CACHD1: variants seen among roughly 807,000 people sequenced by gnomAD.
CACHD1 encodes VWFA and cache domain-containing protein 1.
CACHD1 carries 71 observed loss-of-function variants against 138.7 expected under a neutral mutation model. That is an observed-to-expected ratio of 0.51 (90% CI 0.42 to 0.62). The LOEUF (loss-of-function observed/expected upper bound fraction) is 0.62, where lower values mean the gene tolerates loss of function less well. Ranked by LOEUF, CACHD1 falls within the 20% of genes least tolerant of loss-of-function variation. The pLI, the probability that CACHD1 is intolerant of heterozygous loss-of-function variation, is 0.00. For missense variants in CACHD1, 1,389 were observed against 1,625.3 expected (o/e 0.85, Z 2.50); for synonymous variants, 578 against 591.5 (o/e 0.98, Z 0.33).
intron 1 of CACHD1, among the ~76,000 whole-genome samples, chr1:64,477,021 G>T (rs572782751): frequency 6.6e-6 from 1 of 152,314 alleles, no homozygotes; most frequent in Admixed American, 6.5e-5. Context: ...ACAGGGACAA[G>T]AATTTTGACT....
At chr1:64,523,621 T>C (rs910149893) in intron 1 of CACHD1, among the ~76,000 whole-genome samples, 3 of 152,180 alleles carry the variant, frequency 2.0e-5, no homozygotes, top group African/African-American at 7.2e-5. Context: ...CGTTTTTCCT[T>C]CATGTGTTAT....
chr1:64,653,853 T>A lies in CACHD1; in HGVS notation c.1636T>A (p.Phe546Ile). Residue 546 changes from phenylalanine to isoleucine, a missense_variant, in exon 11 of 27, where the codon TTT becomes ATT. Physicochemically the swap from Phe to Ile is conservative, Grantham distance 21. Coordinates refer to ENST00000651257, the MANE Select transcript of CACHD1 (RefSeq NM_020925.4). ...DIIHYENIPK[F>I]ELVRQNILSL... Reference sequence around the variant, plus strand: ...CATACATTATGAAAATATTCCAAAATTTGAATTAGTTCGGCAAAATATCCT... The same window carrying A: ...CATACATTATGAAAATATTCCAAAAATTGAATTAGTTCGGCAAAATATCCT... The A allele has an allele frequency of 6.2e-7, 1 of 1,613,394 alleles. No individual in the cohort carries two copies. Among genetic ancestry groups the A allele is most frequent in the South Asian group, 1.1e-5 (1 of 91,034 alleles).
At chr1:64,559,656 AC>A (rs1450788151) in intron 2 of CACHD1, among the ~76,000 whole-genome samples, 1 of 151,302 alleles carries the variant, frequency 6.6e-6, no homozygotes, top group Admixed American at 6.6e-5. Flanking sequence ...AATTAAAAAA[AC>A]AAAATAAACA....
At chr1:64,584,805 G>C (rs1279456147) in intron 3 of CACHD1, among the ~76,000 whole-genome samples, 1 of 152,132 alleles carries the variant, frequency 6.6e-6, no homozygotes, top group Non-Finnish European at 1.5e-5. Context: ...CGAGTAAGAA[G>C]GTGTCTACTC....
intron 1 of CACHD1, among the ~76,000 whole-genome samples, chr1:64,525,289 C>T (rs1419066737): frequency 6.6e-6 from 1 of 152,100 alleles, no homozygotes; most frequent in Non-Finnish European, 1.5e-5. Flanking sequence ...AAATGTGATC[C>T]TCCAAGGGTT....
intron 1 of CACHD1, among the ~76,000 whole-genome samples, chr1:64,486,369 TACACACACAC>T (rs3078376): frequency 3.1e-4 from 45 of 145,128 alleles, no homozygotes; most frequent in Middle Eastern, 3.6e-3. Flanking sequence ...CACACACACA[TACACACACAC>T]ACACACACAC....
intron 3 of CACHD1, among the ~76,000 whole-genome samples, chr1:64,597,085 G>A (rs1046600205): frequency 2.0e-5 from 3 of 151,948 alleles, no homozygotes; most frequent in African/African-American, 4.8e-5. Flanking sequence ...GTGTGTGAGT[G>A]GGGGGGTGCT....
At chr1:64,663,955 A>C in intron 14 of CACHD1, 118 bp downstream of exon 14, 1 of 1,322,318 alleles carries the variant, frequency 7.6e-7, no homozygotes, top group African/African-American at 1.5e-5. Flanking sequence ...TCTCAGCTGG[A>C]GAGCTGCAGA....
chr1:64,615,864 C>T (rs1012267393), intron 4 of CACHD1, among the ~76,000 whole-genome samples: 4 of 152,182 alleles, frequency 2.6e-5, no homozygotes, highest in Admixed American at 6.5e-5. Context: ...CCAAAACAAT[C>T]AGTCCGTTCC....
At chr1:64,620,135 T>C (rs1647857039) in intron 4 of CACHD1, among the ~76,000 whole-genome samples, 1 of 152,090 alleles carries the variant, frequency 6.6e-6, no homozygotes, top group Non-Finnish European at 1.5e-5. Context: ...ATCTTATCAG[T>C]TTTTTCATCC....
At chr1:64,666,849 A>C (rs960229913) in intron 16 of CACHD1, among the ~76,000 whole-genome samples, 4 of 108,428 alleles carry the variant, frequency 3.7e-5, no homozygotes, top group African/African-American at 1.8e-4. Context: ...ATCCTGTCTC[A>C]AAAAAAAAAA....
intron 1 of CACHD1, among the ~76,000 whole-genome samples, chr1:64,481,910 G>T (rs1646213715): frequency 1.3e-5 from 2 of 152,056 alleles, no homozygotes; most frequent in African/African-American, 2.4e-5. Flanking sequence ...TTATTTCCAT[G>T]TCACTTGAAA....
At chr1:64,474,283 G>A (rs1646161847) in intron 1 of CACHD1, among the ~76,000 whole-genome samples, 1 of 152,160 alleles carries the variant, frequency 6.6e-6, no homozygotes, top group Admixed American at 6.5e-5. Context: ...GCTGTGTCCA[G>A]GGAGACGGGT....
Position 64,470,916 on chromosome 1 carries a change from G to A in CACHD1, c.172G>A (p.Glu58Lys), listed in dbSNP as rs1175347958. 1 of 1,606,938 alleles carries A rather than the reference G, an allele frequency of 6.2e-7. No homozygotes were observed. Among genetic ancestry groups the A allele is most frequent in the Non-Finnish European group, 8.5e-7 (1 of 1,176,608 alleles). The part of the protein sequence containing the change: ...LASQMRRLAA[E>K]ELGVVTMQRI... ...GAGCCAGATGCGGAGGCTGGCGGCC[G>A]AGGAGCTGGGGGTCGTCACCATGCA... Residue 58 changes from glutamate (E) to lysine (K), a missense_variant, in exon 1 of 27, where the codon GAG becomes AAG. Glu to Lys is a moderately conservative substitution (Grantham distance 56). Coordinates refer to ENST00000651257, the MANE Select transcript of CACHD1 (RefSeq NM_020925.4). This position sits in a 1 kb window ranked among gnomAD's most constrained non-coding sequence, Gnocchi z 5.2.
intron 2 of CACHD1, 131 bp from the exon 3 acceptor site, chr1:64,582,025 G>C (rs1281109908): frequency 8.1e-6 from 8 of 984,474 alleles, no homozygotes. Context: ...TATGACTTGG[G>C]TGTGTGTTGT....
At chr1:64,550,681 C>G in intron 2 of CACHD1, 25 bp downstream of exon 2, 1 of 1,496,600 alleles carries the variant, frequency 6.7e-7, no homozygotes, top group Non-Finnish European at 9.3e-7. Context: ...GTACTTGACA[C>G]TCCCTGTCTT....
intron 1 of CACHD1, among the ~76,000 whole-genome samples, chr1:64,536,978 C>T (rs1334798299): frequency 6.6e-6 from 1 of 152,178 alleles, no homozygotes; most frequent in African/African-American, 2.4e-5. Context: ...GGGTTACACA[C>T]ATCTGACATA....
intron 6 of CACHD1, among the ~76,000 whole-genome samples, chr1:64,633,834 A>G (rs1413275591): frequency 6.6e-6 from 1 of 152,192 alleles, no homozygotes; most frequent in African/African-American, 2.4e-5. Flanking sequence ...TGGAACAAAA[A>G]CCAAACTCTA....
chr1:64,486,543 T>A (rs1312616559), intron 1 of CACHD1, among the ~76,000 whole-genome samples: 1 of 152,222 alleles, frequency 6.6e-6, no homozygotes, highest in African/African-American at 2.4e-5. Context: ...TAAATAATAA[T>A]GACATCCAGG....
Sources: allele counts gnomAD v4.1 joint callset (sites outside exome capture counted in the v4.1 genomes callset), GRCh38; gene constraint gnomAD v4.1.1; non-coding constraint Gnocchi (gnomAD v3.1); transcripts MANE v1.5; gene names NCBI Gene and HGNC (gene_info 2026-07-23, HGNC 2026-07-21).